Variants in DDX24 observed in about 807,000 individuals in gnomAD.
DDX24 encodes the protein DEAD-box helicase 24.
DDX24 carries 24 observed loss-of-function variants against 68.9 expected under a neutral mutation model. The ratio of observed to expected loss-of-function variants is 0.35; its 90% CI spans 0.25 to 0.49. The LOEUF (loss-of-function observed/expected upper bound fraction) is 0.49. DDX24 is among the 20% of genes least tolerant of loss of function. DDX24 has a pLI of 0.99. For synonymous variants in DDX24, 395 were observed against 385.2 expected (o/e 1.03, Z -0.30); for missense variants, 989 against 1,039.0 (o/e 0.95, Z 0.66).
rs909939185 is a variant in DDX24, at chr14:94,051,325, G to A, written c.2446C>T (p.Pro816Ser). ...KTKYPTQSGK[P>S]PLLVSAPSKS... ...CTTGGGGCAGACACAAGCAGGGGCG[G>A]CTTGCCAGACTGAGTGGGATACTTG... The change falls in exon 9 of 9, where the codon CCG (proline) becomes TCG (serine). Residue 816 changes from proline to serine, a missense_variant. This residue lies in a region of DDX24 where 691 missense variants were observed against 760.0 expected (regional missense o/e 0.91). Transcript: ENST00000621632. 1.2e-6 allele frequency: 2 copies of A among 1,613,278 alleles called. No homozygotes were observed. The highest frequency in any genetic ancestry group is 1.7e-6 in the Non-Finnish European group (2 of 1,179,866).
intron 2 of DDX24, among the ~76,000 whole-genome samples, chr14:94,077,502 C>T (rs1885967432): frequency 6.6e-6 from 1 of 152,202 alleles, no homozygotes; most frequent in Admixed American, 6.5e-5. Flanking sequence ...CCATACACTA[C>T]CATTTCAGTT....
chr14:94,061,815 C>T (rs781086913), intron 3 of DDX24, among the ~76,000 whole-genome samples: 9 of 152,106 alleles, frequency 5.9e-5, no homozygotes, highest in African/African-American at 1.2e-4. Flanking sequence ...GGGTGTGTTC[C>T]GGCAAAACTT....
intron 2 of DDX24, among the ~76,000 whole-genome samples, chr14:94,074,055 A>AG (rs1403827112): frequency 3.3e-5 from 5 of 151,968 alleles, no homozygotes; most frequent in Non-Finnish European, 5.9e-5. Context: ...AAAAAAAAAA[A>AG]AAGAAAAAAA....
chr14:94,076,362 T>C (rs546367514), intron 2 of DDX24, among the ~76,000 whole-genome samples: 8 of 152,282 alleles, frequency 5.3e-5, no homozygotes, highest in Admixed American at 3.3e-4. Context: ...GTACATATTA[T>C]ATGATTTCAT....
At chr14:94,053,561 T>A (rs1236083927) in intron 7 of DDX24, among the ~76,000 whole-genome samples, 1 of 151,788 alleles carries the variant, frequency 6.6e-6, no homozygotes, top group Non-Finnish European at 1.5e-5. Context: ...ACACCTGTAA[T>A]CCTAGCACTC....
intron 5 of DDX24, among the ~76,000 whole-genome samples, chr14:94,059,434 C>T (rs1231865060): frequency 6.6e-6 from 1 of 152,212 alleles, no homozygotes; most frequent in African/African-American, 2.4e-5. Context: ...CTTGGGCACA[C>T]TGATCAGCTT....
At chr14:94,071,649 T>C (rs892207305) in intron 2 of DDX24, among the ~76,000 whole-genome samples, 2 of 147,256 alleles carry the variant, frequency 1.4e-5, no homozygotes, top group African/African-American at 5.1e-5. Flanking sequence ...GCCTTTGACT[T>C]AAAAAAAGAA....
At position 94,049,197 on chromosome 14, in the gene DDX24, G is replaced by A. The variant is rs1773827026; in HGVS notation, c.*1994C>T. On this transcript the variant is annotated 3_prime_UTR_variant, in exon 9 of 9. Coordinates refer to ENST00000621632, the MANE Select transcript of DDX24 (RefSeq NM_020414.4). Reference sequence around the variant, plus strand: ...AAAGAATTTGCTGTTAGATGGCTAGGGCAGGACACGGACAGTCATCAGGGG... The same window carrying A: ...AAAGAATTTGCTGTTAGATGGCTAGAGCAGGACACGGACAGTCATCAGGGG... The A allele has an allele frequency of 6.6e-6, 1 of 152,262 alleles. No homozygotes were observed. The highest frequency in any genetic ancestry group is 6.5e-5 in the Admixed American group (1 of 15,294). The allele number at this position is 152,262 out of a possible 1,614,324, so 9.4% of individuals were successfully genotyped here.
intron 2 of DDX24, among the ~76,000 whole-genome samples, chr14:94,072,756 AAGGTGG>A (rs1482933485): frequency 6.6e-6 from 1 of 152,128 alleles, no homozygotes; most frequent in Non-Finnish European, 1.5e-5. Flanking sequence ...TTGATCCCAG[AAGGTGG>A]AGATTGCAGT....
In DDX24 at chr14:94,051,148, A is replaced by C; in HGVS notation, c.*43T>G. ...GGTGGGAGAGGTTTTGCAAATAGCCAGAGAACAGAAACCAATGTGCAGTCA... is the reference window on the plus strand; with the variant it reads ...GGTGGGAGAGGTTTTGCAAATAGCCCGAGAACAGAAACCAATGTGCAGTCA... On this transcript the variant is annotated 3_prime_UTR_variant, in exon 9 of 9. Coordinates refer to ENST00000621632, the MANE Select transcript of DDX24 (RefSeq NM_020414.4). The C allele has an allele frequency of 6.7e-7, 1 of 1,485,158 alleles. No individual in the cohort carries two copies. The highest frequency in any genetic ancestry group is 8.9e-7 in the Non-Finnish European group (1 of 1,120,252). 92.0% of individuals were successfully genotyped at this position (1,485,158 alleles called of 1,614,324 possible). A position where few individuals can be genotyped will look rare whatever the true frequency, so the allele number is the denominator to read the frequency against.
At chr14:94,080,150 G>A (rs1454943886) in intron 1 of DDX24, among the ~76,000 whole-genome samples, 1 of 152,216 alleles carries the variant, frequency 6.6e-6, no homozygotes, top group East Asian at 1.9e-4. Context: ...GATGAAACCT[G>A]CCACACCTAA....
intron 7 of DDX24, chr14:94,053,387 T>C (rs1316518738): frequency 4.6e-4 from 152 of 329,950 alleles, no homozygotes; most frequent in Middle Eastern, 3.3e-3. Context: ...TTTTTTTTTT[T>C]CGTAAAGACA....
chr14:94,048,898 A>C lies in DDX24; in HGVS notation c.*2293T>G, dbSNP rs557288799. The C allele has an allele frequency of 6.6e-6, 1 of 152,368 alleles. No homozygotes were observed. Among genetic ancestry groups the C allele is most frequent in the South Asian group, 2.1e-4 (1 of 4,830 alleles). 9.4% of individuals were successfully genotyped at this position (152,368 alleles called of 1,614,324 possible). Reference sequence around the variant, plus strand: ...ACAGCTTCCCTAGGCAGTAAGTAAAAACATTCTCCTAGCATTAAAATGGTT... The same window carrying C: ...ACAGCTTCCCTAGGCAGTAAGTAAACACATTCTCCTAGCATTAAAATGGTT... On this transcript the variant is annotated 3_prime_UTR_variant, in exon 9 of 9. Transcript: ENST00000621632.
chr14:94,057,724 C>T lies in DDX24; in HGVS notation c.1989+98G>A, dbSNP rs929979966. ...CCAGTGGTATTCTCTGATGCAAGAGCCTTGGAACCAACAATTCCTCCTCCC... is the reference window on the plus strand; with the variant it reads ...CCAGTGGTATTCTCTGATGCAAGAGTCTTGGAACCAACAATTCCTCCTCCC... On this transcript the variant is annotated intron_variant, in intron 6 of 8. Coordinates refer to ENST00000621632, the MANE Select transcript of DDX24 (RefSeq NM_020414.4). The T allele has an allele frequency of 7.7e-6, 9 of 1,169,896 alleles. No individual in the cohort carries two copies. In the African/African-American group the frequency reaches 1.2e-4, roughly 16 times the overall value. The allele number at this position is 1,169,896 out of a possible 1,614,324, so 72.5% of individuals were successfully genotyped here.
intron 2 of DDX24, among the ~76,000 whole-genome samples, chr14:94,078,761 C>A (rs889906814): frequency 6.6e-6 from 1 of 152,206 alleles, no homozygotes; most frequent in African/African-American, 2.4e-5. Flanking sequence ...TTAACCCTCA[C>A]AGCAATGCAA....
chr14:94,076,246 T>C (rs756907875), intron 2 of DDX24, among the ~76,000 whole-genome samples: 9 of 152,254 alleles, frequency 5.9e-5, no homozygotes, highest in East Asian at 1.9e-4. Context: ...TACCCACACA[T>C]TGGAATACTA....
At chr14:94,058,711 C>T (rs999556605) in intron 5 of DDX24, among the ~76,000 whole-genome samples, 2 of 152,212 alleles carry the variant, frequency 1.3e-5, no homozygotes, top group African/African-American at 4.8e-5. Flanking sequence ...AGGGTCCTCA[C>T]TCCCTGCATG....
At chr14:94,073,688 T>C (rs183498591) in intron 2 of DDX24, among the ~76,000 whole-genome samples, 302 of 152,210 alleles carry the variant, frequency 2.0e-3, no homozygotes, top group African/African-American at 6.6e-3. Flanking sequence ...TCACATAAAC[T>C]GATTGTCAGA....
At chr14:94,051,616 G>A (rs1885390005) in intron 8 of DDX24, 154 bp from the exon 9 acceptor site, 1 of 900,092 alleles carries the variant, frequency 1.1e-6, no homozygotes, top group Middle Eastern at 2.5e-4. Flanking sequence ...GCTTGGCAGG[G>A]GCTGTAAATG....
Sources: allele counts gnomAD v4.1 joint callset (sites outside exome capture counted in the v4.1 genomes callset), GRCh38; gene constraint gnomAD v4.1.1; regional missense constraint gnomAD v4.1.1; transcripts MANE v1.5; gene names NCBI Gene and HGNC (gene_info 2026-07-23, HGNC 2026-07-21).